The following TJP2 variants were observed in gnomAD, a reference collection of about 807,000 sequenced individuals.
The protein encoded by TJP2 is tight junction protein 2, also known as Friedreich ataxia region gene X104 (tight junction protein ZO-2).
TJP2 carries 91 observed loss-of-function variants against 133.1 expected under a neutral mutation model. The observed-to-expected ratio is 0.68, with a 90% CI of 0.58 to 0.81. The LOEUF is 0.81. Ranked by LOEUF, TJP2 falls within the 40% of genes least tolerant of loss-of-function variation. The pLI is 0.00. For synonymous variants in TJP2, 592 were observed against 583.4 expected, an observed-to-expected ratio of 1.01 and a Z score of -0.21; for missense variants, 1,541 against 1,565.6, an observed-to-expected ratio of 0.98 and a Z score of 0.26.
upstream of TJP2, among the ~76,000 whole-genome samples, chr9:69,173,377 A>T (rs1242919019): frequency 6.6e-6 from 1 of 152,204 alleles, no homozygotes; most frequent in Non-Finnish European, 1.5e-5. Context: ...TCACTGCACA[A>T]TTCTTTGCAC....
At chr9:69,131,275 A>T (rs1822483865) in intron 1 of TJP2, among the ~76,000 whole-genome samples, 1 of 152,198 alleles carries the variant, frequency 6.6e-6, no homozygotes, top group African/African-American at 2.4e-5. Context: ...CAGTCATCTT[A>T]GCATAACTTG....
rs1322782134 is a variant in TJP2, at chr9:69,221,296, G to A, written c.752G>A (p.Arg251Gln). The change falls in exon 5 of 23, where the codon CGA becomes CAA. Residue 251 changes from arginine to glutamine, a missense_variant. Transcript: ENST00000377245. Reference sequence around the variant, plus strand: ...CGGAGCATTGACCAGGACTACGAGCGAGCCTATCACCGGGCCTACGACCCA... The same window carrying A: ...CGGAGCATTGACCAGGACTACGAGCAAGCCTATCACCGGGCCTACGACCCA... ...RGRSIDQDYERAYHRAYDPDY... is the reference protein window; with the variant it reads ...RGRSIDQDYEQAYHRAYDPDY... The A allele has an allele frequency of 1.2e-6, 2 of 1,606,706 alleles. No individual in the cohort carries two copies. Among genetic ancestry groups the A allele is most frequent in the Non-Finnish European group, 1.7e-6 (2 of 1,177,058 alleles).
In TJP2 at chr9:69,251,155, C is replaced by G; in HGVS notation, c.3112C>G (p.Pro1038Ala). ...GGCATCTACCAAAGGTTATCCTCCT[C>G]CTGTTGCAGCAAAACCTACCTTTGG... ...PGASTKGYPP[P>A]VAAKPTFGRS... is the part of the protein sequence containing the mutation. The change falls in exon 21 of 23, where the codon CCT (proline) becomes GCT (alanine). Residue 1038 changes from proline (P) to alanine (A), a missense_variant. Pro to Ala is a conservative substitution (Grantham distance 27). Coordinates refer to ENST00000377245, the MANE Select transcript of TJP2 (RefSeq NM_004817.4). 1 of 1,614,192 alleles carries G rather than the reference C, an allele frequency of 6.2e-7. No homozygotes were observed. Among genetic ancestry groups the G allele is most frequent in the Non-Finnish European group, 8.5e-7 (1 of 1,180,034 alleles).
intron 1 of TJP2, among the ~76,000 whole-genome samples, chr9:69,130,742 TTGAGGAATAC>T (rs1400619630): frequency 6.6e-6 from 1 of 151,238 alleles, no homozygotes; most frequent in Non-Finnish European, 1.5e-5. Flanking sequence ...TGAGGACGAA[TTGAGGAATAC>T]TGTGGGGAGG....
upstream of TJP2, among the ~76,000 whole-genome samples, chr9:69,170,244 A>G (rs992993209): frequency 2.0e-5 from 3 of 152,208 alleles, no homozygotes; most frequent in Non-Finnish European, 4.4e-5. Context: ...TTAAAAAGAA[A>G]AATATATGCA....
intron 12 of TJP2, 99 bp downstream of exon 12, chr9:69,234,646 A>G (rs1830050166): frequency 3.3e-6 from 3 of 905,860 alleles, no homozygotes; most frequent in East Asian, 2.5e-5. Flanking sequence ...TCTGGGTATT[A>G]AAAAATTGAG....
intron 1 of TJP2, among the ~76,000 whole-genome samples, chr9:69,147,700 G>C (rs1186252996): frequency 6.6e-6 from 1 of 152,168 alleles, no homozygotes; most frequent in African/African-American, 2.4e-5. Flanking sequence ...GACCTAAATA[G>C]ATCTCTGCTT....
intron 17 of TJP2, among the ~76,000 whole-genome samples, chr9:69,243,932 C>T (rs1482835241): frequency 6.6e-6 from 1 of 152,056 alleles, no homozygotes; most frequent in Non-Finnish European, 1.5e-5. Flanking sequence ...CCTGTAAATC[C>T]CAGCACATTG....
In TJP2 at chr9:69,228,089, A is replaced by G. The variant is rs767860270; in HGVS notation, c.1428A>G (p.Glu476=). Residue 476 remains glutamate, a synonymous_variant, in exon 9 of 23, where the codon GAA becomes GAG. Coordinates refer to ENST00000377245, the MANE Select transcript of TJP2 (RefSeq NM_004817.4). The stretch of plus-strand genomic sequence containing the variant: ...CAGTTGTCCCAGAGACCAACAAGGA[A>G]CCCAGATACCAAGAGGACCCCCCAG... ...AGTVVPETNK[E]PRYQEDPPAP... 2 of 1,612,604 alleles carry G rather than the reference A, an allele frequency of 1.2e-6. No homozygotes were observed. Among genetic ancestry groups the G allele is most frequent in the Non-Finnish European group, 1.7e-6 (2 of 1,179,316 alleles).
Position 69,242,249 on chromosome 9 carries a change from AG to A in TJP2, c.2566+2106del, listed in dbSNP as rs144969337. Among the ~76,000 whole-genome samples, 102 of 152,266 alleles carry A rather than the reference AG, an allele frequency of 6.7e-4. No individual in the cohort carries two copies. In the East Asian group the frequency reaches 0.018, roughly 26 times the overall value. On this transcript the variant is annotated intron_variant, in intron 17 of 22. Transcript: ENST00000377245. ...TGGCTGAGTGTGAGTAAGAATCTAG[AG>A]GGGTCCATGTGTGTAGAAGGGGTTA... is the stretch of plus-strand genomic sequence containing the variant.
chr9:69,167,933 C>T (rs188839842), intron 2 of TJP2, among the ~76,000 whole-genome samples: 1 of 151,352 alleles, frequency 6.6e-6, no homozygotes, highest in African/African-American at 2.4e-5. Flanking sequence ...CTTTGAGATA[C>T]TAGAAACGTA....
At chr9:69,209,878 G>A (rs1443195456) in intron 1 of TJP2, among the ~76,000 whole-genome samples, 1 of 152,192 alleles carries the variant, frequency 6.6e-6, no homozygotes, top group Non-Finnish European at 1.5e-5. Flanking sequence ...AGAGAGGTAT[G>A]GCTATAGAGC....
chr9:69,198,903 A>G (rs1826791311), intron 1 of TJP2, among the ~76,000 whole-genome samples: 1 of 152,266 alleles, frequency 6.6e-6, no homozygotes, highest in South Asian at 2.1e-4. Flanking sequence ...GACCACAGGT[A>G]AGTGCCCTGA....
chr9:69,214,198 G>T lies in TJP2; in HGVS notation c.114+1597G>T, dbSNP rs1272931685. 2.0e-5 allele frequency among the ~76,000 whole-genome samples: 3 copies of T among 152,092 alleles called. No homozygotes were observed. The East Asian group carries it at 5.8e-4, about 29-fold the overall frequency. ...CCTCCTAGGTTCAAGTGATTTTCCT[G>T]CTCCAGCCTCCTAAGTAGCTGGGAT... On this transcript the variant is annotated intron_variant, in intron 2 of 22. Transcript: ENST00000377245.
rs112546379 is a variant in TJP2 at position 69,240,041 on chromosome 9, T to A, written c.2460T>A (p.Gly820=). ...TTTTCAACCCAGACTCCAGACAAGGTGTCAAAACCATGAGACAAAGGTTAA... is the reference window on the plus strand; with the variant it reads ...TTTTCAACCCAGACTCCAGACAAGGAGTCAAAACCATGAGACAAAGGTTAA... The part of the protein sequence containing the change: ...VIFFNPDSRQ[G]VKTMRQRLNP... The change falls in exon 17 of 23, where the codon GGT becomes GGA. Residue 820 remains glycine, a synonymous_variant. Coordinates refer to ENST00000377245, the MANE Select transcript of TJP2 (RefSeq NM_004817.4). The A allele has an allele frequency of 1.2e-6, 2 of 1,614,020 alleles. No individual in the cohort carries two copies. Among genetic ancestry groups the A allele is most frequent in the Non-Finnish European group, 8.5e-7 (1 of 1,180,008 alleles).
chr9:69,188,677 G>A (rs898113648), intron 1 of TJP2, among the ~76,000 whole-genome samples: 3 of 152,168 alleles, frequency 2.0e-5, no homozygotes, highest in Admixed American at 2.0e-4. Flanking sequence ...AGACCCCAAA[G>A]ACTCTAAGTT....
At chr9:69,219,223 C>T (rs1240360252) in intron 4 of TJP2, among the ~76,000 whole-genome samples, 1 of 152,178 alleles carries the variant, frequency 6.6e-6, no homozygotes, top group Non-Finnish European at 1.5e-5. Context: ...CCAGCCTTGG[C>T]CTCCCAAAGT....
At chr9:69,217,179 C>T (rs1359518389) in intron 3 of TJP2, among the ~76,000 whole-genome samples, 7 of 151,854 alleles carry the variant, frequency 4.6e-5, no homozygotes, top group Admixed American at 3.9e-4. Context: ...TTAGTAGAGA[C>T]GGGTTTTCGC....
At chr9:69,158,445 C>T (rs1823888421) in intron 2 of TJP2, among the ~76,000 whole-genome samples, 1 of 151,960 alleles carries the variant, frequency 6.6e-6, no homozygotes, top group Non-Finnish European at 1.5e-5. Flanking sequence ...CTATCACCTG[C>T]CCTTCTGACA....
Sources: allele counts gnomAD v4.1 joint callset (sites outside exome capture counted in the v4.1 genomes callset), GRCh38; gene constraint gnomAD v4.1.1; transcripts MANE v1.5; gene names NCBI Gene and HGNC (gene_info 2026-07-23, HGNC 2026-07-21).